Variants in KLF8 observed in about 807,000 individuals in gnomAD.
KLF8 encodes the protein Krueppel-like factor 8.
In KLF8, 10 loss-of-function variants were observed where a neutral mutation model predicts 18.2. The observed-to-expected ratio is 0.55, with a 90% confidence interval of 0.34 to 0.93. The LOEUF (loss-of-function observed/expected upper bound fraction) is 0.93, where lower values mean the gene tolerates loss of function less well. Ranked by LOEUF, KLF8 falls within the 40% of genes least tolerant of loss-of-function variation. The pLI is 0.02. For missense variants in KLF8, 264 were observed against 277.9 expected, an observed-to-expected ratio of 0.95 and a Z score of 0.36; for synonymous variants, 109 against 97.3, an observed-to-expected ratio of 1.12 and a Z score of -0.71.
chrX:56,252,566 G>A (rs761082573), intron 2 of KLF8, among the ~76,000 whole-genome samples: 40 of 111,982 alleles, frequency 3.6e-4, no homozygotes, highest in African/African-American at 1.2e-3. Context: ...TTCTTTTTAT[G>A]GCTGAATAGT....
intron 3 of KLF8, chrX:56,269,091 C>G (rs1456083949): frequency 1.1e-6 from 1 of 912,001 alleles, no homozygotes; most frequent in African/African-American, 2.1e-5. Context: ...GAATCATACC[C>G]AGACCACATC....
Position 56,284,320 on chromosome X carries a change from G to A in KLF8, c.906G>A (p.Lys302=). The stretch of plus-strand genomic sequence containing the variant: ...GTCACATTCCCTTTTTAGGAGAGAA[G>A]CCTTATAAATGCACCTGGGATGGCT... The part of the protein sequence containing the change: ...KAHRRIHTGE[K]PYKCTWDGCS... The change falls in exon 6 of 6, where the codon AAG becomes AAA. Residue 302 remains lysine (K), a synonymous_variant. Transcript: ENST00000468660. The A allele has an allele frequency of 8.7e-7, 1 of 1,147,184 alleles. No individual in the cohort carries two copies. The highest frequency in any genetic ancestry group is 1.2e-6 in the Non-Finnish European group (1 of 863,518). The allele number at this position is 1,147,184 out of a possible 1,213,427, so 94.5% of individuals were successfully genotyped here.
chrX:56,056,033 C>T, the KLF8 span, among the ~76,000 whole-genome samples: 2 of 111,082 alleles, frequency 1.8e-5, no homozygotes, highest in African/African-American at 6.6e-5. Flanking sequence ...AATGATCTTC[C>T]TTTTTATTCA....
At chrX:56,241,770 C>A (rs1246761978) in intron 1 of KLF8, among the ~76,000 whole-genome samples, 1 of 111,922 alleles carries the variant, frequency 8.9e-6, no homozygotes, top group African/African-American at 3.2e-5. Context: ...TTTCACATGG[C>A]CTTCTTTAAT....
chrX:56,131,938 T>C, the KLF8 span, among the ~76,000 whole-genome samples: 6 of 111,919 alleles, frequency 5.4e-5, no homozygotes, highest in Admixed American at 5.7e-4. Flanking sequence ...CAGGCAAATA[T>C]CGCAATCCTA....
At chrX:56,135,468 G>A in the KLF8 span, among the ~76,000 whole-genome samples, 5 of 110,060 alleles carry the variant, frequency 4.5e-5, no homozygotes, top group African/African-American at 1.3e-4. Flanking sequence ...ACCAAACACC[G>A]CATATTCTCA....
At chrX:55,986,789 T>C in the KLF8 span, among the ~76,000 whole-genome samples, 1 of 112,023 alleles carries the variant, frequency 8.9e-6, no homozygotes, top group Non-Finnish European at 1.9e-5. Context: ...TACATTATTT[T>C]GGCACTCAGG....
the KLF8 span, among the ~76,000 whole-genome samples, chrX:56,024,568 C>A: frequency 9.0e-6 from 1 of 111,297 alleles, no homozygotes; most frequent in Non-Finnish European, 1.9e-5. Context: ...ATCCGAGATC[C>A]CTGAGTGCAC....
the KLF8 span, chrX:55,908,313 G>C: frequency 3.6e-6 from 1 of 278,857 alleles, no homozygotes; most frequent in Admixed American, 6.4e-5. Flanking sequence ...TGAAAAGGTC[G>C]GAAGGACCAA....
At chrX:56,141,546 T>A in the KLF8 span, among the ~76,000 whole-genome samples, 1 of 111,744 alleles carries the variant, frequency 8.9e-6, no homozygotes, top group Non-Finnish European at 1.9e-5. Context: ...TCCTCATATA[T>A]GTGTCTATTT....
the KLF8 span, among the ~76,000 whole-genome samples, chrX:56,037,367 GT>G: frequency 2.7e-5 from 3 of 109,449 alleles, no homozygotes; most frequent in Non-Finnish European, 3.8e-5. Context: ...AGATTGGTCT[GT>G]TTTTTTTTAT....
chrX:56,051,539 G>T, the KLF8 span, among the ~76,000 whole-genome samples: 11 of 110,141 alleles, frequency 1.0e-4, no homozygotes, highest in Admixed American at 9.6e-4. Flanking sequence ...GCTTAGTTTG[G>T]CTGGATATGA....
At chrX:56,238,584 C>T (rs1043714769) in intron 1 of KLF8, among the ~76,000 whole-genome samples, 1 of 111,820 alleles carries the variant, frequency 8.9e-6, no homozygotes, top group Non-Finnish European at 1.9e-5. Context: ...GCCTCTCCCT[C>T]CCTCCCCTTT....
chrX:56,177,680 G>A, the KLF8 span, among the ~76,000 whole-genome samples: 1 of 111,694 alleles, frequency 9.0e-6, no homozygotes, highest in South Asian at 3.8e-4. Flanking sequence ...CTTTTGTTTG[G>A]CTATTCCCTG....
chrX:55,999,705 A>G, the KLF8 span, among the ~76,000 whole-genome samples: 1 of 111,264 alleles, frequency 9.0e-6, no homozygotes, highest in Non-Finnish European at 1.9e-5. Context: ...ATTGATTTTT[A>G]TTACCTTTAA....
the KLF8 span, among the ~76,000 whole-genome samples, chrX:56,042,958 A>G: frequency 8.9e-6 from 1 of 111,753 alleles, no homozygotes; most frequent in Non-Finnish European, 1.9e-5. Context: ...GTGTCTGGTA[A>G]TGGTTTCTTT....
rs1183997670 is a variant in KLF8, at chrX:56,287,146, C to T, written c.*2652C>T. On this transcript the variant is annotated 3_prime_UTR_variant, in exon 6 of 6. Transcript: ENST00000468660. ...AATTAGGATCCCAAATATTGGGGTCCCTGACATCTGAGCCTTTATCTAAAA... is the reference window on the plus strand; with the variant it reads ...AATTAGGATCCCAAATATTGGGGTCTCTGACATCTGAGCCTTTATCTAAAA... The T allele has an allele frequency of 1.8e-5, 2 of 111,503 alleles. No individual in the cohort carries two copies. The highest frequency in any genetic ancestry group is 1.9e-4 in the Admixed American group (2 of 10,476). The allele number at this position is 111,503 out of a possible 1,213,427, so 9.2% of individuals were successfully genotyped here. A position where few individuals can be genotyped will look rare whatever the true frequency, so the allele number is the denominator to read the frequency against.
At chrX:56,176,229 A>C in the KLF8 span, among the ~76,000 whole-genome samples, 4 of 111,963 alleles carry the variant, frequency 3.6e-5, no homozygotes, top group Non-Finnish European at 7.5e-5. Flanking sequence ...ATGTTTTTGC[A>C]GTGGCTGGTA....
the KLF8 span, among the ~76,000 whole-genome samples, chrX:56,214,950 G>A: frequency 1.1e-4 from 12 of 112,142 alleles, no homozygotes; most frequent in Admixed American, 1.1e-3. Context: ...CATAACAGGT[G>A]TTATGCTCAG....
Sources: allele counts gnomAD v4.1 joint callset (sites outside exome capture counted in the v4.1 genomes callset), GRCh38; gene constraint gnomAD v4.1.1; transcripts MANE v1.5; gene names NCBI Gene and HGNC (gene_info 2026-07-23, HGNC 2026-07-21).